The following C3orf52 variants were observed in gnomAD, a reference collection of about 807,000 sequenced individuals.
C3orf52 encodes the protein chromosome 3 open reading frame 52.
C3orf52 carries 22 observed loss-of-function variants against 24.8 expected under a neutral mutation model. The observed-to-expected ratio is 0.89, with a 90% CI of 0.63 to 1.27. The LOEUF (loss-of-function observed/expected upper bound fraction) is 1.27. C3orf52 is among the 50% of genes most tolerant of loss of function. C3orf52 has a pLI of 0.00. For missense variants in C3orf52, 265 were observed against 260.7 expected (o/e 1.02, Z -0.11); for synonymous variants, 93 against 100.2 (o/e 0.93, Z 0.43).
chr3:112,099,535 C>A (rs1185036255), intron 2 of C3orf52, among the ~76,000 whole-genome samples: 1 of 152,042 alleles, frequency 6.6e-6, no homozygotes, highest in Admixed American at 6.6e-5. Flanking sequence ...ATACCTTGAC[C>A]CTAATACATG....
chr3:112,115,076 G>T (rs966037964), intron 5 of C3orf52, among the ~76,000 whole-genome samples: 1 of 152,206 alleles, frequency 6.6e-6, no homozygotes, highest in African/African-American at 2.4e-5. Context: ...TCTGGAAATT[G>T]CATTCTTTCT....
intron 1 of C3orf52, among the ~76,000 whole-genome samples, chr3:112,087,324 C>G (rs1200094996): frequency 6.6e-6 from 1 of 152,186 alleles, no homozygotes; most frequent in African/African-American, 2.4e-5. Flanking sequence ...AGGCCAAGCT[C>G]TTTTCTGATT....
downstream of C3orf52, chr3:112,129,533 G>T (rs141360834): frequency 1.3e-5 from 2 of 152,232 alleles, no homozygotes; most frequent in South Asian, 4.2e-4. Flanking sequence ...AGGAATTTGA[G>T]GTATCTGTCT....
chr3:112,134,782 C>T (rs1424971975), downstream of C3orf52: 2 of 154,552 alleles, frequency 1.3e-5, no homozygotes, highest in African/African-American at 4.8e-5. Context: ...ATATTACATC[C>T]ACACAACAGA....
At chr3:112,113,654 G>A (rs1321479805) in intron 5 of C3orf52, among the ~76,000 whole-genome samples, 1 of 152,118 alleles carries the variant, frequency 6.6e-6, no homozygotes, top group Admixed American at 6.5e-5. Context: ...ACAAAGACAA[G>A]TTTATTCCTT....
intron 4 of C3orf52, among the ~76,000 whole-genome samples, chr3:112,126,212 G>A (rs548894121): frequency 1.9e-4 from 29 of 152,314 alleles, no homozygotes; most frequent in African/African-American, 7.0e-4. Flanking sequence ...AGTGGCTAGG[G>A]TGGGAGGCTG....
chr3:112,102,790 C>A, intron 2 of C3orf52, 48 bp from the exon 3 acceptor site: 1 of 1,480,876 alleles, frequency 6.8e-7, no homozygotes, highest in South Asian at 1.3e-5. Context: ...TTATTATATG[C>A]AGGTGTTTAC....
chr3:112,101,492 T>G (rs1474186834), intron 2 of C3orf52, among the ~76,000 whole-genome samples: 1 of 152,214 alleles, frequency 6.6e-6, no homozygotes, highest in African/African-American at 2.4e-5. Context: ...GGAAAGGAGA[T>G]GTTAGCCACA....
At chr3:112,100,041 T>A (rs2073958019) in intron 2 of C3orf52, among the ~76,000 whole-genome samples, 1 of 152,240 alleles carries the variant, frequency 6.6e-6, no homozygotes, top group Non-Finnish European at 1.5e-5. Context: ...CTGTTTCTAC[T>A]ATCCTGGGCT....
chr3:112,087,267 T>G (rs369697627), intron 1 of C3orf52, among the ~76,000 whole-genome samples: 6 of 152,200 alleles, frequency 3.9e-5, no homozygotes, highest in African/African-American at 1.4e-4. Context: ...TTCGCCCACC[T>G]TGCTTTTACC....
chr3:112,106,223 G>C (rs2074022157), intron 3 of C3orf52, among the ~76,000 whole-genome samples: 1 of 151,294 alleles, frequency 6.6e-6, no homozygotes, highest in Non-Finnish European at 1.5e-5. Context: ...CTGGAGGATG[G>C]GGGTGGAGGT....
chr3:112,090,180 C>T (rs1559969114), intron 1 of C3orf52, among the ~76,000 whole-genome samples: 3 of 151,874 alleles, frequency 2.0e-5, no homozygotes, highest in African/African-American at 2.4e-5. Flanking sequence ...AATCTCCGGG[C>T]GTTACTTCTA....
At chr3:112,131,316 G>A (rs1248586650), downstream of C3orf52, among the ~76,000 whole-genome samples, 4 of 152,122 alleles carry the variant, frequency 2.6e-5, no homozygotes, top group African/African-American at 9.7e-5. Context: ...GAAGGGATGA[G>A]TGCCATTCTA....
intron 5 of C3orf52, among the ~76,000 whole-genome samples, chr3:112,116,253 T>G (rs1054363059): frequency 1.3e-5 from 2 of 152,156 alleles, no homozygotes; most frequent in Admixed American, 6.5e-5. Context: ...TGCCCTAGGG[T>G]TCACACCATT....
At chr3:112,106,775 G>A (rs1348170820) in intron 3 of C3orf52, among the ~76,000 whole-genome samples, 2 of 152,132 alleles carry the variant, frequency 1.3e-5, no homozygotes, top group Non-Finnish European at 2.9e-5. Context: ...TCAGGGTTGG[G>A]GCCATTACTC....
chr3:112,128,337 G>A, exon 5 of C3orf52: 1 of 603,058 alleles, frequency 1.7e-6, no homozygotes, highest in Non-Finnish European at 3.0e-6. Context: ...AATTTCCTTG[G>A]TTCCCTTGTA....
intron 3 of C3orf52, among the ~76,000 whole-genome samples, chr3:112,109,187 G>GTGC (rs2074054711): frequency 1.3e-5 from 2 of 152,168 alleles, no homozygotes; most frequent in Non-Finnish European, 2.9e-5. Context: ...TAAGTGGTCT[G>GTGC]TGCTGCTGCT....
intron 2 of C3orf52, among the ~76,000 whole-genome samples, chr3:112,094,896 T>C (rs1435524036): frequency 1.3e-5 from 2 of 152,182 alleles, no homozygotes; most frequent in Non-Finnish European, 2.9e-5. Flanking sequence ...AGCTCCCAGT[T>C]ACAAACCCAG....
intron 1 of C3orf52, among the ~76,000 whole-genome samples, chr3:112,092,014 GAA>G (rs5851817): frequency 0.071 from 10,258 of 144,200 alleles, 469 homozygotes; most frequent in African/African-American, 0.12. Context: ...AAGAAAAAAA[GAA>G]AAAAAAAAAA....
Sources: gnomAD v4.1 joint callset for allele counts (sites outside exome capture counted in the v4.1 genomes callset) on GRCh38, gnomAD v4.1.1 for gene constraint, MANE v1.5 for transcripts, NCBI Gene and HGNC (gene_info 2026-07-23, HGNC 2026-07-21) for gene names.